Variants in CDH13 observed in about 807,000 individuals in gnomAD.
CDH13 encodes cadherin 13.
Under a neutral mutation model 63.8 loss-of-function variants are expected in CDH13, and 24 were observed. The ratio of observed to expected loss-of-function variants is 0.38; its 90% CI spans 0.27 to 0.53. The LOEUF (loss-of-function observed/expected upper bound fraction) is 0.53. Among genes scored for constraint, CDH13 ranks in the 20% least tolerant of loss-of-function variants. CDH13 has a pLI of 0.85. For missense variants in CDH13, 1,049 were observed against 903.1 expected (o/e 1.16, Z -2.07); for synonymous variants, 503 against 355.3 (o/e 1.42, Z -4.67).
At position 83,245,016 on chromosome 16, in the gene CDH13, A is replaced by G. The variant is rs61003157; in HGVS notation, c.636+27519A>G. Among the ~76,000 whole-genome samples the G allele has an allele frequency of 4.9e-3, 751 of 152,082 alleles. 2 individuals are homozygous for G. The highest frequency in any genetic ancestry group is 0.017 in the African/African-American group (712 of 41,482). ...AGAGAATGGTAGGAACCTTCCCCAA[A>G]TCATCATTCCCAAATACCAGCCAAG... On this transcript the variant is annotated intron_variant, in intron 5 of 13. Transcript: ENST00000567109.
At chr16:82,834,320 A>G (rs1386725445) in intron 1 of CDH13, among the ~76,000 whole-genome samples, 1 of 152,144 alleles carries the variant, frequency 6.6e-6, no homozygotes, top group Non-Finnish European at 1.5e-5. Flanking sequence ...GAGGCAAGAG[A>G]GAGATTTCAA....
intron 4 of CDH13, among the ~76,000 whole-genome samples, chr16:83,133,142 C>T (rs1375830422): frequency 1.3e-5 from 2 of 152,212 alleles, no homozygotes; most frequent in African/African-American, 4.8e-5. Context: ...CAAAAAGTAA[C>T]ACTTCATTCC....
At chr16:83,242,528 C>G (rs2151816149) in intron 5 of CDH13, among the ~76,000 whole-genome samples, 1 of 152,234 alleles carries the variant, frequency 6.6e-6, no homozygotes, top group African/African-American at 2.4e-5. Flanking sequence ...GAATGGCTGT[C>G]AGAATGGGCT....
chr16:82,729,280 A>G (rs539256175), intron 1 of CDH13, among the ~76,000 whole-genome samples: 61 of 152,206 alleles, frequency 4.0e-4, no homozygotes, highest in Non-Finnish European at 6.9e-4. Context: ...GCCCCGATCC[A>G]TCAGAGGAAT....
At chr16:83,300,153 C>G (rs2089699174) in intron 5 of CDH13, among the ~76,000 whole-genome samples, 1 of 152,178 alleles carries the variant, frequency 6.6e-6, no homozygotes. Context: ...TCATTAAAGA[C>G]CATCTTTGAA....
chr16:82,857,497 C>G (rs1203123009), intron 1 of CDH13, among the ~76,000 whole-genome samples: 3 of 152,250 alleles, frequency 2.0e-5, no homozygotes, highest in South Asian at 4.2e-4. Context: ...TCTTATTTCA[C>G]TAAGTCACAC....
At chr16:83,004,675 C>G (rs960656688) in intron 2 of CDH13, among the ~76,000 whole-genome samples, 1 of 152,018 alleles carries the variant, frequency 6.6e-6, no homozygotes, top group Non-Finnish European at 1.5e-5. Flanking sequence ...TTTTTTGTCT[C>G]TTTAGTAGAG....
At chr16:83,251,911 A>T (rs1029933779) in intron 5 of CDH13, among the ~76,000 whole-genome samples, 5 of 151,908 alleles carry the variant, frequency 3.3e-5, no homozygotes, top group Non-Finnish European at 5.9e-5. Flanking sequence ...TGAGCTTTTT[A>T]AAAGTTTAAT....
At chr16:82,783,808 C>T (rs996805042) in intron 1 of CDH13, among the ~76,000 whole-genome samples, 2 of 144,194 alleles carry the variant, frequency 1.4e-5, no homozygotes, top group Non-Finnish European at 3.1e-5. Context: ...ACAGAGGCAG[C>T]GGCAGGCTTC....
chr16:83,650,083 G>C (rs978472538), intron 8 of CDH13, among the ~76,000 whole-genome samples: 1 of 152,186 alleles, frequency 6.6e-6, no homozygotes, highest in South Asian at 2.1e-4. Context: ...CTCCTTTCAA[G>C]CCTCTGCTCC....
At chr16:83,274,378 C>T (rs1454796005) in intron 5 of CDH13, among the ~76,000 whole-genome samples, 3 of 152,140 alleles carry the variant, frequency 2.0e-5, no homozygotes, top group Non-Finnish European at 4.4e-5. Flanking sequence ...AATGTTCTTC[C>T]TGCCACTCAT....
At chr16:83,257,123 G>C (rs930702379) in intron 5 of CDH13, among the ~76,000 whole-genome samples, 6 of 152,104 alleles carry the variant, frequency 3.9e-5, no homozygotes, top group Non-Finnish European at 8.8e-5. Flanking sequence ...TCCTTCCTGA[G>C]TTGGGGGATG....
At chr16:83,627,830 T>C (rs11149583) in intron 8 of CDH13, among the ~76,000 whole-genome samples, 1 of 151,674 alleles carries the variant, frequency 6.6e-6, no homozygotes, top group South Asian at 2.1e-4. Flanking sequence ...AATACAAGTA[T>C]GGCTACACCA....
At chr16:82,630,989 T>C (rs186282437) in intron 1 of CDH13, among the ~76,000 whole-genome samples, 88 of 152,284 alleles carry the variant, frequency 5.8e-4, no homozygotes, top group African/African-American at 2.0e-3. Flanking sequence ...ACAAAACTAT[T>C]CTCCTTATTC....
chr16:83,280,933 G>A (rs1179769200), intron 5 of CDH13, among the ~76,000 whole-genome samples: 3 of 152,146 alleles, frequency 2.0e-5, no homozygotes, highest in Admixed American at 1.3e-4. Context: ...AGTAAACTAT[G>A]GTGTTAACAG....
At chr16:83,149,033 G>T (rs2151690705) in intron 4 of CDH13, among the ~76,000 whole-genome samples, 1 of 152,260 alleles carries the variant, frequency 6.6e-6, no homozygotes, top group African/African-American at 2.4e-5. Flanking sequence ...GACTGTACTT[G>T]AATGTGCATG....
chr16:83,467,576 T>G (rs553269085), intron 6 of CDH13, among the ~76,000 whole-genome samples: 8 of 152,206 alleles, frequency 5.3e-5, no homozygotes, highest in Non-Finnish European at 1.0e-4. Context: ...AGAGGAGTCT[T>G]CCTCCACGGA....
At chr16:83,088,496 C>G (rs2033725755) in intron 3 of CDH13, among the ~76,000 whole-genome samples, 1 of 152,192 alleles carries the variant, frequency 6.6e-6, no homozygotes, top group African/African-American at 2.4e-5. Context: ...CATACTGCTG[C>G]TCTAGGATCA....
At chr16:82,664,911 A>G (rs1912407027) in intron 1 of CDH13, among the ~76,000 whole-genome samples, 1 of 152,130 alleles carries the variant, frequency 6.6e-6, no homozygotes, top group Admixed American at 6.5e-5. Context: ...GTATATATGC[A>G]TATATATGTG....
Sources: gnomAD v4.1 joint callset for allele counts (sites outside exome capture counted in the v4.1 genomes callset) on GRCh38, gnomAD v4.1.1 for gene constraint, MANE v1.5 for transcripts, NCBI Gene and HGNC (gene_info 2026-07-23, HGNC 2026-07-21) for gene names.